The following RALGAPA1 variants were observed in gnomAD, a reference collection of about 807,000 sequenced individuals.
RALGAPA1 encodes ral GTPase-activating protein subunit alpha-1.
RALGAPA1 carries 52 observed loss-of-function variants against 269.6 expected under a neutral mutation model. The observed-to-expected ratio is 0.19, with a 90% CI of 0.15 to 0.24. The LOEUF (loss-of-function observed/expected upper bound fraction) is 0.24, where lower values mean the gene tolerates loss of function less well. Among genes scored for constraint, RALGAPA1 ranks in the 10% least tolerant of loss-of-function variants. The pLI is 1.00. For missense variants in RALGAPA1, 1,917 were observed against 3,013.9 expected (o/e 0.64, Z 8.52); for synonymous variants, 817 against 1,008.3 (o/e 0.81, Z 3.60).
rs2074109510 is a variant in RALGAPA1 at position 35,766,010 on chromosome 14, T to C, written c.326-3257A>G. On this transcript the variant is annotated intron_variant, in intron 4 of 41. Transcript: ENST00000680220. Reference sequence around the variant, plus strand: ...AAAAGAGGAAGCAGAATCTCCACTTTGAGAATGAAGATTCAGACTGGCTGA... The same window carrying C: ...AAAAGAGGAAGCAGAATCTCCACTTCGAGAATGAAGATTCAGACTGGCTGA... 3.6e-6 allele frequency: 5 copies of C among 1,406,060 alleles called. No individual in the cohort carries two copies. In the South Asian group the frequency reaches 5.8e-5, roughly 16 times the overall value. The allele number at this position is 1,406,060 out of a possible 1,614,324, so 87.1% of individuals were successfully genotyped here.
At chr14:35,557,562 T>G (rs1022335390) in intron 39 of RALGAPA1, among the ~76,000 whole-genome samples, 5 of 152,172 alleles carry the variant, frequency 3.3e-5, no homozygotes, top group Non-Finnish European at 7.4e-5. Context: ...ATGATAGGCA[T>G]AGACACTGGA....
At chr14:35,621,190 C>A (rs1354077374) in intron 35 of RALGAPA1, among the ~76,000 whole-genome samples, 1 of 152,042 alleles carries the variant, frequency 6.6e-6, no homozygotes, top group Non-Finnish European at 1.5e-5. Flanking sequence ...CAGAACAGAG[C>A]CCTCAGAAAT....
At chr14:35,656,657 T>TC (rs1033106740) in intron 28 of RALGAPA1, among the ~76,000 whole-genome samples, 1 of 152,226 alleles carries the variant, frequency 6.6e-6, no homozygotes, top group African/African-American at 2.4e-5. Context: ...CTGATATTCT[T>TC]AATTTTAGTG....
intron 37 of RALGAPA1, among the ~76,000 whole-genome samples, chr14:35,582,193 T>A (rs1160405741): frequency 6.6e-6 from 1 of 152,066 alleles, no homozygotes; most frequent in Non-Finnish European, 1.5e-5. Flanking sequence ...AGGAAGTGGA[T>A]TAGAGGTTAC....
intron 39 of RALGAPA1, among the ~76,000 whole-genome samples, 189 bp from the exon 40 acceptor site, chr14:35,549,423 C>T (rs867309280): frequency 6.6e-6 from 1 of 152,102 alleles, no homozygotes; most frequent in Non-Finnish European, 1.5e-5. Flanking sequence ...TGTATGTTTA[C>T]TCTTCATGAT....
chr14:35,716,156 G>A (rs2068799711), intron 16 of RALGAPA1: 1 of 861,880 alleles, frequency 1.2e-6, no homozygotes. Flanking sequence ...CACTTTGGGA[G>A]GCCGAGGAGG....
chr14:35,688,968 T>A lies in RALGAPA1; in HGVS notation c.3443A>T (p.Asn1148Ile). 1.6e-6 allele frequency: 2 copies of A among 1,235,892 alleles called. No homozygotes were observed. Among genetic ancestry groups the A allele is most frequent in the Non-Finnish European group, 2.0e-6 (2 of 990,196 alleles). 76.6% of individuals were successfully genotyped at this position (1,235,892 alleles called of 1,614,324 possible). A position where few individuals can be genotyped will look rare whatever the true frequency, so the allele number is the denominator to read the frequency against. Residue 1148 changes from asparagine to isoleucine, a missense_variant, in exon 18 of 42, where the codon AAT becomes ATT. Asn to Ile is a moderately radical substitution (Grantham distance 149). Transcript: ENST00000680220. ...TGGCCTAAAAGTAACATGAACACTATTTCGTTTTTTAGTAGCAATTTTCAT... is the reference window on the plus strand; with the variant it reads ...TGGCCTAAAAGTAACATGAACACTAATTCGTTTTTTAGTAGCAATTTTCAT... ...KIMKIATKKR[N>I]SVHVTFRPST...
chr14:35,539,799 T>C, intron 41 of RALGAPA1, 109 bp from the exon 42 acceptor site: 2 of 1,485,892 alleles, frequency 1.3e-6, no homozygotes, highest in Non-Finnish European at 1.8e-6. Context: ...TAATAAGATC[T>C]TTCGAGGGAA....
intron 39 of RALGAPA1, among the ~76,000 whole-genome samples, chr14:35,558,006 T>C (rs2055798481): frequency 6.6e-6 from 1 of 152,150 alleles, no homozygotes; most frequent in South Asian, 2.1e-4. Context: ...ATTGTTTCTT[T>C]GCAACAAAAC....
intron 13 of RALGAPA1, among the ~76,000 whole-genome samples, chr14:35,727,709 C>T (rs1161427204): frequency 6.6e-6 from 1 of 152,040 alleles, no homozygotes; most frequent in Non-Finnish European, 1.5e-5. Context: ...GGGATCAAGA[C>T]AGTTTTCACA....
intron 41 of RALGAPA1, chr14:35,542,514 T>C (rs1402068213): frequency 2.6e-5 from 4 of 152,414 alleles, no homozygotes; most frequent in African/African-American, 9.6e-5. Flanking sequence ...TAGTTATCAG[T>C]ACTTCCTAAC....
chr14:35,741,597 C>T (rs1404587574), intron 11 of RALGAPA1, among the ~76,000 whole-genome samples: 1 of 152,176 alleles, frequency 6.6e-6, no homozygotes, highest in Non-Finnish European at 1.5e-5. Context: ...ATAAGCATTA[C>T]TCAATCATTC....
intron 5 of RALGAPA1, among the ~76,000 whole-genome samples, chr14:35,762,171 G>C (rs1235959133): frequency 6.6e-6 from 1 of 152,122 alleles, no homozygotes; most frequent in South Asian, 2.1e-4. Flanking sequence ...TGAGTCCATT[G>C]AGTGGCAAAG....
chr14:35,744,983 T>C (rs2071913003), intron 10 of RALGAPA1, among the ~76,000 whole-genome samples: 1 of 152,178 alleles, frequency 6.6e-6, no homozygotes, highest in Admixed American at 6.5e-5. Context: ...CATCCAGAGC[T>C]AAAATATTAC....
chr14:35,663,321 T>C (rs1008407216), intron 27 of RALGAPA1, among the ~76,000 whole-genome samples: 4 of 151,818 alleles, frequency 2.6e-5, no homozygotes, highest in Non-Finnish European at 4.4e-5. Flanking sequence ...ATTACAAGTA[T>C]AATAAACGTA....
intron 10 of RALGAPA1, among the ~76,000 whole-genome samples, chr14:35,747,845 T>C (rs1464771819): frequency 6.6e-6 from 1 of 152,198 alleles, no homozygotes; most frequent in East Asian, 1.9e-4. Context: ...AACATGCACT[T>C]AGGGATTTCC....
chr14:35,557,971 T>C (rs900657014), intron 39 of RALGAPA1, among the ~76,000 whole-genome samples: 7 of 152,156 alleles, frequency 4.6e-5, no homozygotes, highest in Non-Finnish European at 2.9e-5. Context: ...AAATAAGCAT[T>C]AATTTTTTTT....
At chr14:35,647,211 C>G (rs184097681) in intron 31 of RALGAPA1, among the ~76,000 whole-genome samples, 1 of 152,078 alleles carries the variant, frequency 6.6e-6, no homozygotes, top group Non-Finnish European at 1.5e-5. Context: ...ACACTGCTGG[C>G]ACGTGATTTT....
At chr14:35,779,345 T>C (rs1237017745) in intron 1 of RALGAPA1, among the ~76,000 whole-genome samples, 1 of 151,872 alleles carries the variant, frequency 6.6e-6, no homozygotes, top group African/African-American at 2.4e-5. Context: ...GGGCAACACA[T>C]TGAGATTCCA....
Sources: allele counts gnomAD v4.1 joint callset (sites outside exome capture counted in the v4.1 genomes callset), GRCh38; gene constraint gnomAD v4.1.1; transcripts MANE v1.5; gene names NCBI Gene and HGNC (gene_info 2026-07-23, HGNC 2026-07-21).